Variants in VWDE observed in about 807,000 individuals in gnomAD.
VWDE encodes von Willebrand factor D and EGF domain-containing protein.
VWDE carries 207 observed loss-of-function variants against 178.4 expected under a neutral mutation model. The ratio of observed to expected loss-of-function variants is 1.16; its 90% CI spans 1.04 to 1.30. The LOEUF is 1.30. Among genes scored for constraint, VWDE ranks in the 50% most tolerant of loss-of-function variants. The pLI, the probability that VWDE is intolerant of heterozygous loss-of-function variation, is 0.00. For synonymous variants in VWDE, 738 were observed against 651.4 expected, an observed-to-expected ratio of 1.13 and a Z score of -2.02; for missense variants, 2,287 against 1,901.3, an observed-to-expected ratio of 1.20 and a Z score of -3.77.
At chr7:12,343,263 C>T in intron 21 of VWDE, 85 bp from the exon 22 acceptor site, 1 of 979,156 alleles carries the variant, frequency 1.0e-6, no homozygotes, top group Non-Finnish European at 1.5e-6. Context: ...ACAATAAAAT[C>T]TTGTTGTAAG....
chr7:12,365,088 G>A (rs1583309092), intron 13 of VWDE, among the ~76,000 whole-genome samples: 1 of 152,048 alleles, frequency 6.6e-6, no homozygotes, highest in African/African-American at 2.4e-5. Context: ...ATATTCAAAA[G>A]AGCCAAGTGT....
chr7:12,380,585 A>T lies in VWDE; in HGVS notation c.690T>A (p.Leu230=), dbSNP rs756945628. The T allele has an allele frequency of 1.9e-5, 29 of 1,552,288 alleles. No homozygotes were observed. In the South Asian group the frequency reaches 3.3e-4, roughly 18 times the overall value. ...GCTCCTCTTTGACTTCTTGAGAAGA[A>T]AGCCTAGACCAAGCTATGTGAAATC... ...SVGFHIAWSR[L]SSQEVKEELT... Residue 230 remains leucine, a synonymous_variant, in exon 5 of 29, where the codon CTT becomes CTA. Coordinates refer to ENST00000275358, the MANE Select transcript of VWDE (RefSeq NM_001135924.3).
In VWDE at chr7:12,374,713, G is replaced by A; in HGVS notation, c.1292C>T (p.Pro431Leu). Residue 431 changes from proline to leucine, a missense_variant, in exon 9 of 29, where the codon CCA becomes CTA. Coordinates refer to ENST00000275358, the MANE Select transcript of VWDE (RefSeq NM_001135924.3). Reference protein sequence around the residue: ...PTAYCYTFTDPHIITFDGRVY... With the variant: ...PTAYCYTFTDLHIITFDGRVY... ...CCTGCCATCAAATGTAATTATATGT[G>A]GGTCAGTAAATGTATAGCAGTAAGC... 6.5e-6 allele frequency: 10 copies of A among 1,538,296 alleles called. No individual in the cohort carries two copies. Among genetic ancestry groups the A allele is most frequent in the Non-Finnish European group, 8.8e-6 (10 of 1,142,222 alleles).
At chr7:12,354,990 G>A (rs551351411) in intron 18 of VWDE, among the ~76,000 whole-genome samples, 1 of 152,132 alleles carries the variant, frequency 6.6e-6, no homozygotes, top group South Asian at 2.1e-4. Context: ...TCATCTGAAC[G>A]AGTAAATTCA....
intron 19 of VWDE, among the ~76,000 whole-genome samples, chr7:12,345,191 A>C (rs1781536741): frequency 6.6e-6 from 1 of 151,950 alleles, no homozygotes. Context: ...ACATGATTTT[A>C]ATAAATAACT....
chr7:12,374,527 TTC>T (rs1314309962), intron 9 of VWDE, among the ~76,000 whole-genome samples, 160 bp downstream of exon 9: 1 of 152,046 alleles, frequency 6.6e-6, no homozygotes, highest in Non-Finnish European at 1.5e-5. Context: ...AGGCAAAAAA[TTC>T]TACACAAATA....
intron 19 of VWDE, among the ~76,000 whole-genome samples, chr7:12,346,953 G>T (rs767300926): frequency 1.3e-5 from 2 of 152,050 alleles, no homozygotes; most frequent in Non-Finnish European, 2.9e-5. Context: ...AACATAGTTG[G>T]CAACAAGTGC....
intron 19 of VWDE, 79 bp downstream of exon 19, chr7:12,351,494 G>C: frequency 7.2e-7 from 1 of 1,392,698 alleles, no homozygotes; most frequent in Non-Finnish European, 9.5e-7. Context: ...AAATACCTGA[G>C]GAATAAATAT....
chr7:12,374,057 A>G (rs891909686), intron 9 of VWDE, among the ~76,000 whole-genome samples: 1 of 152,132 alleles, frequency 6.6e-6, no homozygotes, highest in Non-Finnish European at 1.5e-5. Flanking sequence ...AAAAATGTTG[A>G]TGCAACACTA....
intron 2 of VWDE, 148 bp from the exon 3 acceptor site, chr7:12,389,506 AAGT>A: frequency 1.7e-6 from 1 of 596,480 alleles, no homozygotes; most frequent in Non-Finnish European, 3.0e-6. Flanking sequence ...ATACAAGGAA[AAGT>A]AGTTTTAAGG....
intron 23 of VWDE, 27 bp downstream of exon 23, chr7:12,342,032 G>C: frequency 6.6e-7 from 1 of 1,516,280 alleles, no homozygotes; most frequent in East Asian, 2.5e-5. Context: ...TAATTGACAT[G>C]TTCATTGAAA....
rs73302462 is a variant in VWDE, at chr7:12,393,704, G to A, written c.133C>T (p.Leu45Phe). The change falls in exon 2 of 29, where the codon CTC becomes TTC. Residue 45 changes from leucine (L) to phenylalanine (F), a missense_variant. Leu to Phe is a conservative substitution (Grantham distance 22, BLOSUM62 0). Transcript: ENST00000275358. ...YRSVRFDSWH[L>F]QQSAVQDLIC... ...AGGTCTTGAACAGCTGACTGCTGGA[G>A]GTGCCATGAGTCAAAACGGACACTT... 9,464 of 1,551,168 alleles carry A rather than the reference G, an allele frequency of 6.1e-3. 468 individuals are homozygous for A. The African/African-American group carries it at 0.11, about 18-fold the overall frequency.
intron 22 of VWDE, among the ~76,000 whole-genome samples, chr7:12,342,641 A>T (rs1269113470): frequency 2.1e-5 from 3 of 146,146 alleles, no homozygotes; most frequent in Non-Finnish European, 4.4e-5. Flanking sequence ...AATCTATTTT[A>T]TTTATTTATT....
chr7:12,394,733 T>A (rs1028499449), intron 1 of VWDE, among the ~76,000 whole-genome samples: 6 of 152,080 alleles, frequency 3.9e-5, no homozygotes, highest in Admixed American at 3.9e-4. Flanking sequence ...TATTTATTGA[T>A]GGAAAACACT....
intron 21 of VWDE, 53 bp downstream of exon 21, chr7:12,344,142 A>G (rs1030314418): frequency 6.8e-7 from 1 of 1,467,034 alleles, no homozygotes; most frequent in Non-Finnish European, 9.3e-7. Flanking sequence ...GTTTTTAAAG[A>G]AAATTATGCT....
At position 12,369,860 on chromosome 7, in the gene VWDE, T is replaced by A; in HGVS notation, c.2446A>T (p.Asn816Tyr). ...TLTLCQETLANSSIGRLCLAF... is the reference protein window; with the variant it reads ...TLTLCQETLAYSSIGRLCLAF... ...AGACACAGCCTTCCTATGCTGGAGTTGGCTAGAGTCTCCTGACAGAGGGTC... is the reference window on the plus strand; with the variant it reads ...AGACACAGCCTTCCTATGCTGGAGTAGGCTAGAGTCTCCTGACAGAGGGTC... Residue 816 changes from asparagine to tyrosine, a missense_variant, in exon 12 of 29, where the codon AAC becomes TAC. Coordinates refer to ENST00000275358, the MANE Select transcript of VWDE (RefSeq NM_001135924.3). 6.4e-7 allele frequency: 1 copy of A among 1,551,510 alleles called. No individual in the cohort carries two copies. Among genetic ancestry groups the A allele is most frequent in the Non-Finnish European group, 8.7e-7 (1 of 1,146,882 alleles).
rs1022768626 is a variant in VWDE at position 12,351,692 on chromosome 7, T to G, written c.3767A>C (p.Gln1256Pro). Residue 1256 changes from glutamine to proline, a missense_variant, in exon 19 of 29, where the codon CAA becomes CCA. Transcript: ENST00000275358. ...ELKVETQFVN[Q>P]FTTQTVVLTR... ...GAGAACCACAGTTTGTGTAGTAAAT[T>G]GATTTACAAACTGTGTTTCAACTGT... 1.3e-5 allele frequency: 20 copies of G among 1,547,084 alleles called. No individual in the cohort carries two copies. In the African/African-American group the frequency reaches 2.7e-4, roughly 21 times the overall value.
intron 13 of VWDE, among the ~76,000 whole-genome samples, chr7:12,365,408 T>C (rs1234754807): frequency 6.6e-6 from 1 of 152,138 alleles, no homozygotes; most frequent in Non-Finnish European, 1.5e-5. Flanking sequence ...TATCAAGTTA[T>C]TCCAAAATAA....
At chr7:12,351,794 A>C in intron 18 of VWDE, 81 bp from the exon 19 acceptor site, 23 of 1,228,518 alleles carry the variant, frequency 1.9e-5, no homozygotes, top group East Asian at 2.7e-5. Flanking sequence ...ATACAATACA[A>C]ACGCCACTTG....
Sources: allele counts gnomAD v4.1 joint callset (sites outside exome capture counted in the v4.1 genomes callset), GRCh38; gene constraint gnomAD v4.1.1; transcripts MANE v1.5; gene names NCBI Gene and HGNC (gene_info 2026-07-23, HGNC 2026-07-21).